GPT2: variants seen among roughly 807,000 people sequenced by gnomAD.
GPT2 encodes the protein glutamic--pyruvic transaminase 2.
Under a neutral mutation model 56.9 loss-of-function variants are expected in GPT2, and 30 were observed. That is an observed-to-expected ratio of 0.53 (90% CI 0.39 to 0.72). GPT2 has a LOEUF of 0.72. Among genes scored for constraint, GPT2 ranks in the 30% least tolerant of loss-of-function variants. GPT2 has a pLI of 0.00. For synonymous variants in GPT2, 271 were observed against 283.1 expected, an observed-to-expected ratio of 0.96 and a Z score of 0.43; for missense variants, 542 against 703.4, an observed-to-expected ratio of 0.77 and a Z score of 2.60.
intron 6 of GPT2, among the ~76,000 whole-genome samples, chr16:46,910,142 A>AT (rs1961017869): frequency 1.3e-5 from 2 of 152,158 alleles, no homozygotes; most frequent in African/African-American, 4.8e-5. Flanking sequence ...GCACTTTGGG[A>AT]GGCCGAGGCA....
rs574411466 is a variant in GPT2 at position 46,906,655 on chromosome 16, G to C, written c.443-187G>C. The stretch of plus-strand genomic sequence containing the variant: ...GAGTAGATGGGTGGATGGATAGAGG[G>C]GTGGGTGGATGAAGCCAAGACAGGT... On this transcript the variant is annotated intron_variant, in intron 4 of 11. Coordinates refer to ENST00000340124, the MANE Select transcript of GPT2 (RefSeq NM_133443.4). Among the ~76,000 whole-genome samples the C allele has an allele frequency of 1.4e-3, 210 of 152,208 alleles. 1 individual carries two copies. The highest frequency in any genetic ancestry group is 3.4e-3 in the Middle Eastern group (1 of 294).
At chr16:46,900,942 C>T (rs576425992) in intron 4 of GPT2, 152 bp downstream of exon 4, 102 of 613,732 alleles carry the variant, frequency 1.7e-4, no homozygotes, top group African/African-American at 1.1e-3. Context: ...ATAGCGTCCT[C>T]TTCCCACTCA....
chr16:46,900,820 C>G (rs770803376), intron 4 of GPT2, 30 bp downstream of exon 4: 15 of 1,586,822 alleles, frequency 9.5e-6, no homozygotes, highest in Non-Finnish European at 1.2e-5. Flanking sequence ...GGCCCCTAGG[C>G]GTGAAATGAA....
At chr16:46,885,102 C>T in intron 2 of GPT2, 144 bp downstream of exon 2, 7 of 1,349,988 alleles carry the variant, frequency 5.2e-6, no homozygotes, top group Non-Finnish European at 5.7e-6. Flanking sequence ...GAGAGAATGC[C>T]CCCTCCCGCC....
chr16:46,891,107 A>G (rs1209421956), intron 2 of GPT2, among the ~76,000 whole-genome samples: 1 of 152,150 alleles, frequency 6.6e-6, no homozygotes, highest in Admixed American at 6.6e-5. Flanking sequence ...TCCCAACCTC[A>G]GGTGATCCAC....
chr16:46,884,501 G>T (rs564619972), intron 1 of GPT2, 34 bp downstream of exon 1: 15 of 454,976 alleles, frequency 3.3e-5, no homozygotes, highest in Middle Eastern at 1.2e-3. Context: ...CGCAGCCTTT[G>T]CGAAAGCCGG....
At chr16:46,887,833 G>A (rs1303717353) in intron 2 of GPT2, among the ~76,000 whole-genome samples, 1 of 152,162 alleles carries the variant, frequency 6.6e-6, no homozygotes, top group African/African-American at 2.4e-5. Flanking sequence ...TTCTCTGGTA[G>A]TGGAGCCTGA....
rs1961479900 is a variant in GPT2 at position 46,929,140 on chromosome 16, C to A, written c.*143C>A. ...GTCATCATTTTGCCCCTGGAGACGT[C>A]TTTCTTTGTGCCTTGATGTTGAGAG... On this transcript the variant is annotated 3_prime_UTR_variant, in exon 12 of 12. Coordinates refer to ENST00000340124, the MANE Select transcript of GPT2 (RefSeq NM_133443.4). 2 of 651,216 alleles carry A rather than the reference C, an allele frequency of 3.1e-6. No individual in the cohort carries two copies. Among genetic ancestry groups the A allele is most frequent in the Non-Finnish European group, 5.5e-6 (2 of 361,904 alleles). The allele number at this position is 651,216 out of a possible 1,614,324, so 40.3% of individuals were successfully genotyped here. A position where few individuals can be genotyped will look rare whatever the true frequency, so the allele number is the denominator to read the frequency against.
chr16:46,919,742 C>T (rs1216847642), intron 8 of GPT2, among the ~76,000 whole-genome samples: 1 of 152,174 alleles, frequency 6.6e-6, no homozygotes, highest in Admixed American at 6.5e-5. Context: ...TGTGTTGCTC[C>T]TTCTGGCTGC....
rs1035429475 is a variant in GPT2, at chr16:46,922,269, G to C, written c.1065G>C (p.Glu355Asp). 7 of 1,614,000 alleles carry C rather than the reference G, an allele frequency of 4.3e-6. No homozygotes were observed. The highest frequency in any genetic ancestry group is 3.3e-5 in the Admixed American group (2 of 59,986). Reference sequence around the variant, plus strand: ...GTGGTTACAGAGGAGGCTACATGGAGGTGATCAACCTGCACCCTGAGATCA... The same window carrying C: ...GTGGTTACAGAGGAGGCTACATGGACGTGATCAACCTGCACCCTGAGATCA... ...GECGYRGGYM[E>D]VINLHPEIKG... The change falls in exon 9 of 12, where the codon GAG (glutamate) becomes GAC (aspartate). Residue 355 changes from glutamate to aspartate, a missense_variant. By Grantham distance (45) the Glu-to-Asp change is conservative. Coordinates refer to ENST00000340124, the MANE Select transcript of GPT2 (RefSeq NM_133443.4).
chr16:46,924,971 A>C (rs1054308152), intron 10 of GPT2, among the ~76,000 whole-genome samples: 1 of 151,726 alleles, frequency 6.6e-6, no homozygotes, highest in African/African-American at 2.4e-5. Context: ...TAGATTGCCC[A>C]GGCAGGTCTC....
chr16:46,884,957 G>C lies in GPT2; in HGVS notation c.242G>C (p.Arg81Pro). 3 of 1,498,890 alleles carry C rather than the reference G, an allele frequency of 2.0e-6. No homozygotes were observed. Among genetic ancestry groups the C allele is most frequent in the Non-Finnish European group, 2.7e-6 (3 of 1,118,854 alleles). The allele number at this position is 1,498,890 out of a possible 1,614,324, so 92.8% of individuals were successfully genotyped here. Residue 81 changes from arginine to proline, a missense_variant and splice_region_variant, in exon 2 of 12, where the codon CGG becomes CCG. Physicochemically the swap from Arg to Pro is moderately radical, Grantham distance 103. Transcript: ENST00000340124. ...KAGEIELELQRGIKKPFTEVI... is the reference protein window; with the variant it reads ...KAGEIELELQPGIKKPFTEVI... ...GGCGAGATCGAGCTCGAGCTGCAGC[G>C]GGTGAGCGCGCGCTGGGCCCCGGGG... is the stretch of plus-strand genomic sequence containing the variant.
At chr16:46,898,636 A>G (rs573169807) in intron 3 of GPT2, among the ~76,000 whole-genome samples, 32 of 151,634 alleles carry the variant, frequency 2.1e-4, no homozygotes, top group African/African-American at 5.8e-4. Context: ...AGCAACCTCC[A>G]CCTCCTGGGT....
At chr16:46,908,879 A>G (rs1960988622) in intron 5 of GPT2, among the ~76,000 whole-genome samples, 1 of 152,172 alleles carries the variant, frequency 6.6e-6, no homozygotes, top group African/African-American at 2.4e-5. Context: ...CTGAGTCTGA[A>G]AAAGGACCTA....
intron 2 of GPT2, among the ~76,000 whole-genome samples, chr16:46,889,136 T>C (rs1960537383): frequency 1.3e-5 from 2 of 151,382 alleles, no homozygotes; most frequent in African/African-American, 4.9e-5. Context: ...AAGCGATCCT[T>C]ACACTTCAGC....
At chr16:46,926,757 C>T (rs921042987) in intron 10 of GPT2, among the ~76,000 whole-genome samples, 168 bp from the exon 11 acceptor site, 4 of 152,218 alleles carry the variant, frequency 2.6e-5, no homozygotes, top group Non-Finnish European at 4.4e-5. Flanking sequence ...TGCCTGGCAC[C>T]AGCCACCAGC....
intron 4 of GPT2, among the ~76,000 whole-genome samples, chr16:46,904,705 A>T (rs777855757): frequency 6.6e-6 from 1 of 152,120 alleles, no homozygotes; most frequent in Non-Finnish European, 1.5e-5. Flanking sequence ...GGCAGGAAGA[A>T]TGGGAGGCCT....
chr16:46,899,521 C>T (rs540517725), intron 3 of GPT2, among the ~76,000 whole-genome samples: 1 of 152,332 alleles, frequency 6.6e-6, no homozygotes, highest in African/African-American at 2.4e-5. Context: ...GAGGCTGGCC[C>T]TGGTCTGAGG....
intron 11 of GPT2, among the ~76,000 whole-genome samples, chr16:46,927,517 G>A (rs952176626): frequency 1.3e-5 from 2 of 152,176 alleles, no homozygotes; most frequent in Admixed American, 6.5e-5. Context: ...GGCATACCCC[G>A]TTCTGGCCCT....
Sources: gnomAD v4.1 joint callset for allele counts (sites outside exome capture counted in the v4.1 genomes callset) on GRCh38, gnomAD v4.1.1 for gene constraint, MANE v1.5 for transcripts, NCBI Gene and HGNC (gene_info 2026-07-23, HGNC 2026-07-21) for gene names.